The following PRKCA variants were observed in gnomAD, a reference collection of about 807,000 sequenced individuals.
The protein encoded by PRKCA is protein kinase C alpha.
Under a neutral mutation model 87.0 loss-of-function variants are expected in PRKCA, and 27 were observed. That is an observed-to-expected ratio of 0.31 (90% CI 0.23 to 0.43). The LOEUF (loss-of-function observed/expected upper bound fraction) is 0.43, where lower values mean the gene tolerates loss of function less well. Among genes scored for constraint, PRKCA ranks in the 20% least tolerant of loss-of-function variants. The probability of loss-of-function intolerance (pLI) is 1.00; values close to 1 mark genes in which losing one functional copy is unlikely to be tolerated. For missense variants in PRKCA, 518 were observed against 852.3 expected (o/e 0.61, Z 4.88); for synonymous variants, 329 against 311.1 (o/e 1.06, Z -0.61).
At chr17:66,675,032 C>G (rs557531965) in intron 5 of PRKCA, among the ~76,000 whole-genome samples, 4 of 152,368 alleles carry the variant, frequency 2.6e-5, no homozygotes, top group South Asian at 4.1e-4. Flanking sequence ...TCCCAGCAAG[C>G]ACTTGCTCTC....
intron 2 of PRKCA, chr17:66,416,929 C>T (rs1028824043): frequency 6.3e-5 from 10 of 158,250 alleles, no homozygotes; most frequent in Middle Eastern, 3.1e-3. Context: ...TGGGCGGTCT[C>T]GCTCTGTCAC....
chr17:66,325,811 A>T (rs1280311974), intron 2 of PRKCA, among the ~76,000 whole-genome samples: 1 of 152,178 alleles, frequency 6.6e-6, no homozygotes, highest in Non-Finnish European at 1.5e-5. Context: ...TTTTGCATGC[A>T]CAACTCCTAT....
At chr17:66,314,088 G>C (rs956930645) in intron 2 of PRKCA, among the ~76,000 whole-genome samples, 1 of 152,178 alleles carries the variant, frequency 6.6e-6, no homozygotes, top group Non-Finnish European at 1.5e-5. Flanking sequence ...AGGCTGGTGG[G>C]GCGTGTCATG....
intron 2 of PRKCA, among the ~76,000 whole-genome samples, chr17:66,457,008 A>C (rs1914603952): frequency 6.6e-6 from 1 of 152,194 alleles, no homozygotes; most frequent in Non-Finnish European, 1.5e-5. Context: ...TGAGAGGTTC[A>C]TGTAAACCTT....
intron 13 of PRKCA, among the ~76,000 whole-genome samples, chr17:66,758,709 C>T (rs1974612240): frequency 6.6e-6 from 1 of 152,178 alleles, no homozygotes. Context: ...CACCCCTCCA[C>T]CCCATTCGCT....
chr17:66,399,100 C>CTTTTTTTTTTT (rs143646957), intron 2 of PRKCA, among the ~76,000 whole-genome samples: 1 of 117,292 alleles, frequency 8.5e-6, no homozygotes, highest in Non-Finnish European at 1.8e-5. Context: ...CTTTTCTTTT[C>CTTTTTTTTTTT]TTTTTTTTTT....
intron 3 of PRKCA, among the ~76,000 whole-genome samples, chr17:66,501,654 C>G (rs901690223): frequency 6.6e-6 from 1 of 152,168 alleles, no homozygotes; most frequent in African/African-American, 2.4e-5. Flanking sequence ...GTGTGTGGCC[C>G]TAGAATGCAG....
chr17:66,615,373 T>C (rs1033017457), intron 3 of PRKCA, among the ~76,000 whole-genome samples: 4 of 152,066 alleles, frequency 2.6e-5, no homozygotes, highest in African/African-American at 4.8e-5. Context: ...TGTGCTGTAA[T>C]GGGATTGTAT....
In PRKCA at chr17:66,463,712, T is replaced by C. The variant is rs185882607; in HGVS notation, c.206-32489T>C. ...GCCCAGCTAGTTTGTTTGTTTTGTT[T>C]TTTTAATTTATTTTTTAGAGCAGTT... is the stretch of plus-strand genomic sequence containing the variant. On this transcript the variant is annotated intron_variant, in intron 2 of 16. Transcript: ENST00000413366. Among the ~76,000 whole-genome samples, 205 of 152,290 alleles carry C rather than the reference T, an allele frequency of 1.3e-3. 1 individual carries two copies. Among genetic ancestry groups the C allele is most frequent in the African/African-American group, 4.7e-3 (196 of 41,560 alleles).
At chr17:66,539,218 C>A (rs1292933673) in intron 3 of PRKCA, among the ~76,000 whole-genome samples, 1 of 152,132 alleles carries the variant, frequency 6.6e-6, no homozygotes, top group Admixed American at 6.5e-5. Context: ...AACTCCTTTG[C>A]ACTCTTAAAC....
chr17:66,696,180 G>A (rs756568535), intron 8 of PRKCA, among the ~76,000 whole-genome samples: 4 of 152,212 alleles, frequency 2.6e-5, no homozygotes, highest in African/African-American at 7.2e-5. Flanking sequence ...CATTTGAGAA[G>A]TGGTATTGCA....
intron 14 of PRKCA, among the ~76,000 whole-genome samples, chr17:66,782,912 G>A (rs1039487559): frequency 2.6e-5 from 4 of 152,184 alleles, no homozygotes; most frequent in African/African-American, 9.7e-5. Context: ...ACTGATTTGC[G>A]GAGTGAGCAG....
intron 3 of PRKCA, among the ~76,000 whole-genome samples, chr17:66,569,612 A>G (rs930591632): frequency 1.3e-5 from 2 of 152,190 alleles, no homozygotes; most frequent in African/African-American, 4.8e-5. Context: ...TAAGAAAGAC[A>G]ATCCAGTAGA....
At chr17:66,335,734 C>T (rs1906622119) in intron 2 of PRKCA, among the ~76,000 whole-genome samples, 1 of 152,018 alleles carries the variant, frequency 6.6e-6, no homozygotes, top group South Asian at 2.1e-4. Flanking sequence ...ATATCTTTTA[C>T]CATTTTATTT....
chr17:66,315,857 T>A (rs752260074), intron 2 of PRKCA, among the ~76,000 whole-genome samples: 26 of 152,242 alleles, frequency 1.7e-4, no homozygotes, highest in Non-Finnish European at 3.2e-4. Flanking sequence ...TACATGGACC[T>A]CTGTTTAGTC....
chr17:66,756,183 C>T (rs1440903321), intron 13 of PRKCA, among the ~76,000 whole-genome samples: 1 of 152,146 alleles, frequency 6.6e-6, no homozygotes, highest in Non-Finnish European at 1.5e-5. Flanking sequence ...AAAGTAATAA[C>T]CATTGTGAAA....
At chr17:66,513,574 C>T (rs1406982190) in intron 3 of PRKCA, among the ~76,000 whole-genome samples, 3 of 152,122 alleles carry the variant, frequency 2.0e-5, no homozygotes, top group Admixed American at 2.0e-4. Flanking sequence ...GGATCCTAAC[C>T]TTGAATATTA....
At chr17:66,574,757 T>A (rs1372542486) in intron 3 of PRKCA, among the ~76,000 whole-genome samples, 1 of 152,032 alleles carries the variant, frequency 6.6e-6, no homozygotes, top group East Asian at 1.9e-4. Context: ...TCCAAGCACT[T>A]CTGGTCCCAA....
chr17:66,316,444 G>A lies in PRKCA; in HGVS notation c.205+10317G>A, dbSNP rs966220680. ...AATAAGCTTGTTCAACCGGTGGGCC[G>A]CATGCAGCCCAGGATGGCTTAGAAT... On this transcript the variant is annotated intron_variant, in intron 2 of 16. Coordinates refer to ENST00000413366, the MANE Select transcript of PRKCA (RefSeq NM_002737.3). 4.6e-5 allele frequency among the ~76,000 whole-genome samples: 7 copies of A among 152,196 alleles called. No individual in the cohort carries two copies. The East Asian group carries it at 7.7e-4, about 17-fold the overall frequency.
Sources: allele counts gnomAD v4.1 joint callset (sites outside exome capture counted in the v4.1 genomes callset), GRCh38; gene constraint gnomAD v4.1.1; transcripts MANE v1.5; gene names NCBI Gene and HGNC (gene_info 2026-07-23, HGNC 2026-07-21).